SYT16: variants seen among roughly 807,000 people sequenced by gnomAD.
SYT16 encodes synaptotagmin-16.
In SYT16, 42 loss-of-function variants were observed where a neutral mutation model predicts 61.4. That is an observed-to-expected ratio of 0.68 (90% CI 0.53 to 0.89). The LOEUF (loss-of-function observed/expected upper bound fraction) is 0.89. SYT16 is among the 40% of genes least tolerant of loss of function. The pLI, the probability that SYT16 is intolerant of heterozygous loss-of-function variation, is 0.00. For missense variants in SYT16, 804 were observed against 807.3 expected, an observed-to-expected ratio of 1.00 and a Z score of 0.05; for synonymous variants, 314 against 302.3, an observed-to-expected ratio of 1.04 and a Z score of -0.40.
At chr14:62,078,137 C>T (rs540693053) in intron 5 of SYT16, among the ~76,000 whole-genome samples, 3 of 131,566 alleles carry the variant, frequency 2.3e-5, no homozygotes, top group African/African-American at 6.3e-5. Flanking sequence ...AGTGCTCTCT[C>T]GCTCTCTCTC....
chr14:62,022,697 ATG>A (rs1407984535), intron 3 of SYT16, among the ~76,000 whole-genome samples: 1 of 152,092 alleles, frequency 6.6e-6, no homozygotes, highest in African/African-American at 2.4e-5. Context: ...GTTTTAAAAA[ATG>A]TACTTCAGTG....
At chr14:61,950,009 A>G (rs2050607145) in intron 1 of SYT16, among the ~76,000 whole-genome samples, 1 of 152,166 alleles carries the variant, frequency 6.6e-6, no homozygotes, top group South Asian at 2.1e-4. Flanking sequence ...GCGAATTAAG[A>G]GGCTTTGACA....
intron 3 of SYT16, among the ~76,000 whole-genome samples, chr14:62,066,460 A>T (rs1371256264): frequency 6.6e-6 from 1 of 152,246 alleles, no homozygotes; most frequent in African/African-American, 2.4e-5. Flanking sequence ...CATAATGAGC[A>T]CTCAGTAAGT....
intron 1 of SYT16, among the ~76,000 whole-genome samples, chr14:61,851,518 C>G (rs1168330615): frequency 6.6e-6 from 1 of 152,220 alleles, no homozygotes; most frequent in Non-Finnish European, 1.5e-5. Flanking sequence ...CTAACTTACA[C>G]TCCCACCAGT....
intron 1 of SYT16, among the ~76,000 whole-genome samples, chr14:61,957,529 G>T (rs189855361): frequency 9.9e-5 from 15 of 151,958 alleles, no homozygotes; most frequent in Admixed American, 9.2e-4. Flanking sequence ...GTTGAATTTT[G>T]TCAGATGCTT....
intron 1 of SYT16, among the ~76,000 whole-genome samples, chr14:61,849,887 C>T (rs546933526): frequency 6.6e-6 from 1 of 152,288 alleles, no homozygotes; most frequent in Admixed American, 6.5e-5. Flanking sequence ...CTTCTATTGG[C>T]CATCTTGTGC....
chr14:61,819,294 C>T (rs941539352), intron 1 of SYT16, among the ~76,000 whole-genome samples: 1 of 152,096 alleles, frequency 6.6e-6, no homozygotes, highest in African/African-American at 2.4e-5. Context: ...GGCTATTATG[C>T]CATTTAACAA....
At chr14:62,002,550 G>A (rs999659768) in intron 3 of SYT16, among the ~76,000 whole-genome samples, 3 of 152,164 alleles carry the variant, frequency 2.0e-5, no homozygotes, top group Admixed American at 1.3e-4. Flanking sequence ...GAGTGCTCTC[G>A]GTCTTAGGCA....
chr14:61,996,214 GT>G lies in SYT16; in HGVS notation c.196del (p.Tyr66ThrfsTer101). On this transcript the variant is annotated frameshift_variant, in exon 3 of 8. Coordinates refer to ENST00000683842, the MANE Select transcript of SYT16 (RefSeq NM_001367656.1). LOFTEE classifies it high-confidence loss of function. ...TAGATAATATTCAGATTCAGGAAAC[GT>G]ACTTTGAAGATGAAGAACAAGACAA... ...DLDNIQIQET[Y>X]FEDEEQDNDW... is the part of the protein sequence containing the mutation. 1 of 1,613,536 alleles carries G rather than the reference GT, an allele frequency of 6.2e-7. No homozygotes were observed. Among genetic ancestry groups the G allele is most frequent in the South Asian group, 1.1e-5 (1 of 91,074 alleles).
At chr14:61,977,389 G>C (rs2051858296) in intron 2 of SYT16, among the ~76,000 whole-genome samples, 1 of 152,184 alleles carries the variant, frequency 6.6e-6, no homozygotes, top group African/African-American at 2.4e-5. Context: ...AGGTTTAACT[G>C]ACTCACAGTT....
At chr14:61,812,387 A>G (rs1404535117), upstream of SYT16, 1 of 152,098 alleles carries the variant, frequency 6.6e-6, no homozygotes, top group Non-Finnish European at 1.5e-5. Context: ...ACAAGGATAT[A>G]GCGGGAACGT....
chr14:62,028,214 T>A (rs1046748844), intron 3 of SYT16, among the ~76,000 whole-genome samples: 4 of 152,210 alleles, frequency 2.6e-5, no homozygotes, highest in African/African-American at 9.6e-5. Flanking sequence ...ATGGTTTGAT[T>A]AGAGCCCCAA....
intron 7 of SYT16, among the ~76,000 whole-genome samples, chr14:62,087,437 G>T (rs1358390134): frequency 6.6e-6 from 1 of 152,202 alleles, no homozygotes; most frequent in Admixed American, 6.5e-5. Flanking sequence ...TGAGGCTCTC[G>T]GCTCAGGTGC....
intron 1 of SYT16, among the ~76,000 whole-genome samples, chr14:61,922,787 C>T (rs936012277): frequency 3.3e-5 from 5 of 152,180 alleles, no homozygotes; most frequent in African/African-American, 1.2e-4. Context: ...TGGTAGCTCA[C>T]GCCTGTAATC....
chr14:62,108,514 T>G lies in SYT16; in HGVS notation c.*7807T>G, dbSNP rs886572116. On this transcript the variant is annotated 3_prime_UTR_variant, in exon 8 of 8. Transcript: ENST00000683842. ...GACCATGTTTCTTTTTTGAGAGTGT[T>G]TCTTTGTCAAGTTCCTTATAGCCAA... The G allele has an allele frequency of 2.0e-5, 3 of 152,170 alleles. No individual in the cohort carries two copies. Among genetic ancestry groups the G allele is most frequent in the Non-Finnish European group, 4.4e-5 (3 of 68,026 alleles). 9.4% of individuals were successfully genotyped at this position (152,170 alleles called of 1,614,324 possible).
chr14:61,971,702 T>C, intron 2 of SYT16, among the ~76,000 whole-genome samples: 1 of 152,250 alleles, frequency 6.6e-6, no homozygotes, highest in East Asian at 1.9e-4. Context: ...TTTTTAAATA[T>C]CTCTGTGAGA....
intron 3 of SYT16, among the ~76,000 whole-genome samples, chr14:62,059,800 A>ACT (rs1491308588): frequency 6.7e-6 from 1 of 150,290 alleles, no homozygotes; most frequent in African/African-American, 2.5e-5. Context: ...ACACACACAC[A>ACT]CTCAATGTGA....
chr14:62,071,627 G>A (rs538062176), intron 4 of SYT16, among the ~76,000 whole-genome samples: 2 of 152,052 alleles, frequency 1.3e-5, no homozygotes. Flanking sequence ...GATTTTTTTT[G>A]TTCATCTTTA....
rs182649105 is a variant in SYT16 at position 62,069,781 on chromosome 14, C to T, written c.702C>T (p.His234=). ...AATTCAGCCGTTCGTTGTTGACACA[C>T]GGAGAAGATGGCACAGAAGTATCTG... ...KPKFSRSLLT[H]GEDGTEVSAC... is the part of the protein sequence containing the mutation. The change falls in exon 4 of 8, where the codon CAC becomes CAT. Residue 234 remains histidine, a synonymous_variant. Coordinates refer to ENST00000683842, the MANE Select transcript of SYT16 (RefSeq NM_001367656.1). 98 of 1,614,002 alleles carry T rather than the reference C, an allele frequency of 6.1e-5. No individual in the cohort carries two copies. In the African/African-American group the frequency reaches 8.1e-4, roughly 13 times the overall value.
Sources: allele counts gnomAD v4.1 joint callset (sites outside exome capture counted in the v4.1 genomes callset), GRCh38; gene constraint gnomAD v4.1.1; transcripts MANE v1.5; gene names NCBI Gene and HGNC (gene_info 2026-07-23, HGNC 2026-07-21).